IQCH: variants seen among roughly 807,000 people sequenced by gnomAD.
IQCH encodes IQ motif containing H, also known as IQ domain-containing protein H.
IQCH carries 98 observed loss-of-function variants against 117.0 expected under a neutral mutation model. That is an observed-to-expected ratio of 0.84 (90% confidence interval 0.71 to 0.99). IQCH has a LOEUF of 0.99. IQCH is among the 50% of genes least tolerant of loss of function. The pLI is 0.00. For synonymous variants in IQCH, 412 were observed against 448.2 expected, an observed-to-expected ratio of 0.92 and a Z score of 1.02; for missense variants, 1,102 against 1,243.8, an observed-to-expected ratio of 0.89 and a Z score of 1.72.
intron 14 of IQCH, among the ~76,000 whole-genome samples, chr15:67,412,199 A>AT (rs887819394): frequency 6.6e-6 from 1 of 152,064 alleles, no homozygotes; most frequent in African/African-American, 2.4e-5. Context: ...AGTCAAGTGT[A>AT]TTTTTTCTAG....
intron 4 of IQCH, among the ~76,000 whole-genome samples, chr15:67,301,201 T>C (rs747641068): frequency 1.1e-4 from 17 of 152,114 alleles, no homozygotes; most frequent in Non-Finnish European, 1.9e-4. Flanking sequence ...AGAGCATACT[T>C]TCCTGCTTAA....
At chr15:67,293,045 C>CT (rs1451427216) in intron 4 of IQCH, among the ~76,000 whole-genome samples, 12 of 152,328 alleles carry the variant, frequency 7.9e-5, no homozygotes, top group African/African-American at 2.6e-4. Context: ...CATCCTGGCT[C>CT]TATCACTTAC....
chr15:67,418,513 CCA>C (rs368875296), intron 15 of IQCH, among the ~76,000 whole-genome samples: 1,161 of 114,092 alleles, frequency 0.01, 13 homozygotes, highest in East Asian at 0.038. Context: ...CAAGTGGCTA[CCA>C]CACACACACA....
rs1971934759 is a variant in IQCH at position 67,406,977 on chromosome 15, A to G, written c.2097+6672A>G. The stretch of plus-strand genomic sequence containing the variant: ...AAAATACAGGTAACATTGAACAAGT[A>G]CATACAACTTAATCTTTCTTTGGTG... On this transcript the variant is annotated intron_variant, in intron 14 of 20. Transcript: ENST00000335894. The surrounding 1 kb of genome is among the most constrained non-coding windows in gnomAD (Gnocchi z 4.5). The G allele has an allele frequency of 6.6e-6, 1 of 152,242 alleles. No individual in the cohort carries two copies. Among genetic ancestry groups the G allele is most frequent in the African/African-American group, 2.4e-5 (1 of 41,472 alleles). The allele number at this position is 152,242 out of a possible 1,614,324, so 9.4% of individuals were successfully genotyped here.
rs977900913 is a variant in IQCH, at chr15:67,425,903, T to C, written c.2505+4326T>C. Among the ~76,000 whole-genome samples the C allele has an allele frequency of 6.6e-6, 1 of 152,216 alleles. No homozygotes were observed. The highest frequency in any genetic ancestry group is 2.4e-5 in the African/African-American group (1 of 41,464). Reference sequence around the variant, plus strand: ...TGTATGTATTTATGTCAGTATGAAGTCATGGGTTTCTATTTTATTTAATGG... The same window carrying C: ...TGTATGTATTTATGTCAGTATGAAGCCATGGGTTTCTATTTTATTTAATGG... On this transcript the variant is annotated intron_variant, in intron 16 of 20. Transcript: ENST00000335894. This position sits in a 1 kb window ranked among gnomAD's most constrained non-coding sequence, Gnocchi z 5.5.
intron 4 of IQCH, among the ~76,000 whole-genome samples, chr15:67,283,111 T>C (rs924356153): frequency 6.6e-6 from 1 of 152,184 alleles, no homozygotes; most frequent in African/African-American, 2.4e-5. Flanking sequence ...CTTATTAAAA[T>C]ACTAATTTTT....
At position 67,373,499 on chromosome 15, in the gene IQCH, T is replaced by C. The variant is rs560123255; in HGVS notation, c.1372+66T>C. Reference sequence around the variant, plus strand: ...TACCCACCACATTATGGCTCCTTGATTGAGTTCAAGGAAGGCCCCTTGTTT... The same window carrying C: ...TACCCACCACATTATGGCTCCTTGACTGAGTTCAAGGAAGGCCCCTTGTTT... On this transcript the variant is annotated intron_variant, in intron 10 of 20. Transcript: ENST00000335894. 46 of 1,070,720 alleles carry C rather than the reference T, an allele frequency of 4.3e-5. No individual in the cohort carries two copies. The South Asian group carries it at 5.6e-4, about 13-fold the overall frequency. The allele number at this position is 1,070,720 out of a possible 1,614,324, so 66.3% of individuals were successfully genotyped here. A position where few individuals can be genotyped will look rare whatever the true frequency, so the allele number is the denominator to read the frequency against.
In IQCH at chr15:67,381,802, G is replaced by A. The variant is rs1404201327; in HGVS notation, c.1373-3134G>A. Reference sequence around the variant, plus strand: ...TTGAGATCAGCCTGGGCAACATGGCGAAACCCTGGCTCTACAAAAATTACA... The same window carrying A: ...TTGAGATCAGCCTGGGCAACATGGCAAAACCCTGGCTCTACAAAAATTACA... On this transcript the variant is annotated intron_variant, in intron 10 of 20. Coordinates refer to ENST00000335894, the MANE Select transcript of IQCH (RefSeq NM_001031715.3). The surrounding 1 kb of genome is among the most constrained non-coding windows in gnomAD (Gnocchi z 5.1). Among the ~76,000 whole-genome samples, 4 of 151,852 alleles carry A rather than the reference G, an allele frequency of 2.6e-5. No homozygotes were observed. The highest frequency in any genetic ancestry group is 5.9e-5 in the Non-Finnish European group (4 of 67,962).
In IQCH at chr15:67,307,112, T is replaced by C. The variant is rs1967336815; in HGVS notation, c.387+27600T>C. 2.6e-6 allele frequency: 3 copies of C among 1,156,576 alleles called. 1 individual carries two copies. The South Asian group carries it at 1.2e-4, about 45-fold the overall frequency. The allele number at this position is 1,156,576 out of a possible 1,614,324, so 71.6% of individuals were successfully genotyped here. ...ATAACTGATTATAACTGTTATGACC[T>C]AGAAAAAAATCATAAAAACATTTTT... On this transcript the variant is annotated intron_variant, in intron 4 of 20. Coordinates refer to ENST00000335894, the MANE Select transcript of IQCH (RefSeq NM_001031715.3).
Position 67,372,261 on chromosome 15 carries a change from T to G in IQCH, c.904T>G (p.Leu302Val). ...SLAWGGIFSL[L>V]EHVEKFLRNY... ...AGCTTGGGGAGGTATTTTTTCTCTCTTGGAACACGTCGAGAAGTTTCTCAG... is the reference window on the plus strand; with the variant it reads ...AGCTTGGGGAGGTATTTTTTCTCTCGTGGAACACGTCGAGAAGTTTCTCAG... The change falls in exon 9 of 21, where the codon TTG becomes GTG. Residue 302 changes from leucine to valine, a missense_variant. Leu to Val is a conservative substitution (Grantham distance 32). Transcript: ENST00000335894. The G allele has an allele frequency of 6.2e-7, 1 of 1,614,138 alleles. No homozygotes were observed. Among genetic ancestry groups the G allele is most frequent in the Non-Finnish European group, 8.5e-7 (1 of 1,180,000 alleles).
chr15:67,442,865 T>C (rs867602621), intron 16 of IQCH, among the ~76,000 whole-genome samples: 10 of 127,966 alleles, frequency 7.8e-5, no homozygotes, highest in Non-Finnish European at 1.3e-4. Context: ...GATAGATAGA[T>C]ATACATATAT....
chr15:67,442,881 TATAA>T (rs1228883926), intron 16 of IQCH, among the ~76,000 whole-genome samples: 70 of 146,286 alleles, frequency 4.8e-4, no homozygotes, highest in South Asian at 8.7e-4. Flanking sequence ...TATATATATA[TATAA>T]AATACATATA....
intron 4 of IQCH, among the ~76,000 whole-genome samples, chr15:67,315,890 A>AT (rs1236294642): frequency 1.3e-5 from 2 of 152,178 alleles, no homozygotes; most frequent in African/African-American, 4.8e-5. Context: ...TATCTGAGTA[A>AT]TTATACTATC....
intron 4 of IQCH, among the ~76,000 whole-genome samples, chr15:67,319,592 AG>A (rs767269521): frequency 2.6e-5 from 4 of 152,192 alleles, no homozygotes; most frequent in Admixed American, 2.0e-4. Context: ...GTGGAAATAA[AG>A]TTCACAGAAG....
rs530093206 is a variant in IQCH at position 67,493,832 on chromosome 15, C to T, written c.2862-426C>T. ...CCTCCCCTCACCCCACGACAGGCCC[C>T]GGTGTGTGATGTTCCCTACCCTGTG... On this transcript the variant is annotated intron_variant, in intron 19 of 20. Coordinates refer to ENST00000335894, the MANE Select transcript of IQCH (RefSeq NM_001031715.3). The surrounding 1 kb of genome is among the most constrained non-coding windows in gnomAD (Gnocchi z 5.1). Among the ~76,000 whole-genome samples the T allele has an allele frequency of 6.6e-6, 1 of 152,130 alleles. No individual in the cohort carries two copies. The highest frequency in any genetic ancestry group is 2.4e-5 in the African/African-American group (1 of 41,438).
rs1355375374 is a variant in IQCH, at chr15:67,500,483, T to C, written c.2971-150T>C. 2.5e-6 allele frequency: 1 copy of C among 403,712 alleles called. No individual in the cohort carries two copies. Among genetic ancestry groups the C allele is most frequent in the African/African-American group, 2.1e-5 (1 of 48,396 alleles). 25.0% of individuals were successfully genotyped at this position (403,712 alleles called of 1,614,324 possible). ...TTTTTACTCATTTCAGCAAGACTGG[T>C]AAGCCATAATCTGTAGACAAATGCC... On this transcript the variant is annotated intron_variant, in intron 20 of 20. Transcript: ENST00000335894. The surrounding 1 kb of genome is among the most constrained non-coding windows in gnomAD (Gnocchi z 4.4).
Position 67,404,950 on chromosome 15 carries a change from G to C in IQCH, c.2097+4645G>C, listed in dbSNP as rs979251205. 8 of 152,142 alleles carry C rather than the reference G, an allele frequency of 5.3e-5. No individual in the cohort carries two copies. The highest frequency in any genetic ancestry group is 1.2e-4 in the Non-Finnish European group (8 of 68,032). The allele number at this position is 152,142 out of a possible 1,614,324, so 9.4% of individuals were successfully genotyped here. A position where few individuals can be genotyped will look rare whatever the true frequency, so the allele number is the denominator to read the frequency against. On this transcript the variant is annotated intron_variant, in intron 14 of 20. Coordinates refer to ENST00000335894, the MANE Select transcript of IQCH (RefSeq NM_001031715.3). This position sits in a 1 kb window ranked among gnomAD's most constrained non-coding sequence, Gnocchi z 4.6. Reference sequence around the variant, plus strand: ...ATATTGCCATATTCCTAAAAAGATAGTACCAATTTCCAAAGCAACTGGCAG... The same window carrying C: ...ATATTGCCATATTCCTAAAAAGATACTACCAATTTCCAAAGCAACTGGCAG...
At chr15:67,331,667 C>G (rs911288206) in intron 4 of IQCH, among the ~76,000 whole-genome samples, 5 of 152,112 alleles carry the variant, frequency 3.3e-5, no homozygotes, top group African/African-American at 1.2e-4. Context: ...TCAAAACAGT[C>G]CACAAGTGAG....
At chr15:67,371,944 T>C (rs768028978) in intron 8 of IQCH, among the ~76,000 whole-genome samples, 167 bp from the exon 9 acceptor site, 2 of 152,216 alleles carry the variant, frequency 1.3e-5, no homozygotes, top group Admixed American at 6.5e-5. Flanking sequence ...TTTAATGATA[T>C]ATACTAGCTA....
Sources: gnomAD v4.1 joint callset for allele counts (sites outside exome capture counted in the v4.1 genomes callset) on GRCh38, gnomAD v4.1.1 for gene constraint, Gnocchi (gnomAD v3.1) non-coding constraint, MANE v1.5 for transcripts, NCBI Gene and HGNC (gene_info 2026-07-23, HGNC 2026-07-21) for gene names.